Variants in NECTIN1 observed in about 807,000 individuals in gnomAD.
NECTIN1 encodes nectin cell adhesion molecule 1, also known as nectin-1.
In NECTIN1, 23 loss-of-function variants were observed where a neutral mutation model predicts 48.0. The observed-to-expected ratio is 0.48, with a 90% CI of 0.34 to 0.68. NECTIN1 has a LOEUF of 0.68. NECTIN1 is among the 30% of genes least tolerant of loss of function. The pLI is 0.01. For missense variants in NECTIN1, 591 were observed against 709.9 expected (o/e 0.83, Z 1.90); for synonymous variants, 270 against 288.9 (o/e 0.93, Z 0.66).
intron 5 of NECTIN1, among the ~76,000 whole-genome samples, chr11:119,655,112 T>A (rs1321539133): frequency 6.6e-6 from 1 of 151,790 alleles, no homozygotes; most frequent in East Asian, 1.9e-4. Context: ...GGTTTCACCA[T>A]GTTGGCCAGG....
rs558240664 is a variant in NECTIN1 at position 119,669,131 on chromosome 11, G to C, written c.1004-3834C>G. On this transcript the variant is annotated intron_variant, in intron 5 of 5. Transcript: ENST00000264025. ...TTGTAAGTTATAATTGAAAATGCAG[G>C]CTGGGCACAGTGGCTCATGCCTGTA... Among the ~76,000 whole-genome samples the C allele has an allele frequency of 1.9e-4, 29 of 152,334 alleles. No homozygotes were observed. The East Asian group carries it at 4.8e-3, about 25-fold the overall frequency.
At position 119,728,517 on chromosome 11, in the gene NECTIN1, A is replaced by T; in HGVS notation, c.37T>A (p.Trp13Arg). The stretch of plus-strand genomic sequence containing the variant: ...GTCAAGCCGAGAGCGAGTCCCCACC[A>T]GCGTCCAGCGGCGCCCGCAAGCCCC... ...RMGLAGAAGR[W>R]WGLALGLTAF... Residue 13 changes from tryptophan (W) to arginine (R), a missense_variant, in exon 1 of 6, where the codon TGG (tryptophan) becomes AGG (arginine). Trp to Arg is a moderately radical substitution (Grantham distance 101, BLOSUM62 -3). Transcript: ENST00000264025. 1 of 1,597,354 alleles carries T rather than the reference A, an allele frequency of 6.3e-7. No homozygotes were observed. The highest frequency in any genetic ancestry group is 8.5e-7 in the Non-Finnish European group (1 of 1,172,654).
At chr11:119,689,340 A>C (rs776779720) in intron 1 of NECTIN1, among the ~76,000 whole-genome samples, 1 of 152,152 alleles carries the variant, frequency 6.6e-6, no homozygotes, top group Non-Finnish European at 1.5e-5. Flanking sequence ...ACATGTGCAC[A>C]CGCACCTTCC....
At chr11:119,668,909 T>G (rs1380436747) in intron 5 of NECTIN1, among the ~76,000 whole-genome samples, 1 of 152,230 alleles carries the variant, frequency 6.6e-6, no homozygotes, top group Non-Finnish European at 1.5e-5. Flanking sequence ...CTCATTTCAG[T>G]GTGTTGCAGT....
chr11:119,663,573 G>C lies in NECTIN1; in HGVS notation c.*1174C>G. 1 of 985,582 alleles carries C rather than the reference G, an allele frequency of 1.0e-6. No homozygotes were observed. The highest frequency in any genetic ancestry group is 1.2e-6 in the Non-Finnish European group (1 of 829,956). 61.1% of individuals were successfully genotyped at this position (985,582 alleles called of 1,614,324 possible). A position where few individuals can be genotyped will look rare whatever the true frequency, so the allele number is the denominator to read the frequency against. ...TATGGACTCCTCAGTCCCTCGGACT[G>C]TGTTTGCAGAGCTTCTGCCATGTGG... On this transcript the variant is annotated 3_prime_UTR_variant, in exon 6 of 6. Coordinates refer to ENST00000264025, the MANE Select transcript of NECTIN1 (RefSeq NM_002855.5).
At chr11:119,728,411 TCCGGCTCCCAG>T (rs1410169673) in intron 1 of NECTIN1, 53 bp downstream of exon 1, 2 of 1,471,306 alleles carry the variant, frequency 1.4e-6, no homozygotes, top group Non-Finnish European at 1.9e-6. Context: ...GTGCCCGCCA[TCCGGCTCCCAG>T]CCCCGGGGAG....
At chr11:119,699,744 C>T (rs1009354149) in intron 1 of NECTIN1, among the ~76,000 whole-genome samples, 2 of 152,208 alleles carry the variant, frequency 1.3e-5, no homozygotes, top group Non-Finnish European at 2.9e-5. Flanking sequence ...TAGGAGACAG[C>T]TGAAGACATC....
intron 1 of NECTIN1, among the ~76,000 whole-genome samples, chr11:119,704,441 T>G (rs1292340215): frequency 1.3e-5 from 2 of 152,110 alleles, no homozygotes; most frequent in Non-Finnish European, 2.9e-5. Flanking sequence ...GGTCTAGAAC[T>G]CCTGACCTCA....
intron 5 of NECTIN1, chr11:119,674,498 C>A: frequency 6.2e-7 from 1 of 1,611,524 alleles, no homozygotes; most frequent in Non-Finnish European, 8.5e-7. Flanking sequence ...TCATACTGTC[C>A]CCGTTTTACA....
intron 1 of NECTIN1, among the ~76,000 whole-genome samples, chr11:119,702,330 T>C (rs919578784): frequency 6.6e-6 from 1 of 152,194 alleles, no homozygotes; most frequent in Non-Finnish European, 1.5e-5. Context: ...CGTCCTGTGG[T>C]TTCATCTCAA....
At chr11:119,698,344 TTG>T (rs1865378532) in intron 1 of NECTIN1, among the ~76,000 whole-genome samples, 1 of 152,220 alleles carries the variant, frequency 6.6e-6, no homozygotes, top group South Asian at 2.1e-4. Flanking sequence ...GGTGATTAAA[TTG>T]TCTCTTCCCC....
rs911645079 is a variant in NECTIN1, at chr11:119,724,375, C to T, written c.79+4100G>A. Among the ~76,000 whole-genome samples the T allele has an allele frequency of 2.0e-5, 3 of 152,128 alleles. No homozygotes were observed. The East Asian group carries it at 5.8e-4, about 29-fold the overall frequency. On this transcript the variant is annotated intron_variant, in intron 1 of 5. Coordinates refer to ENST00000264025, the MANE Select transcript of NECTIN1 (RefSeq NM_002855.5). Reference sequence around the variant, plus strand: ...GGCTGACAAGAGAGGAATATCTCTCCCGGTGTGGTCAAGGTCTTCAGCATC... The same window carrying T: ...GGCTGACAAGAGAGGAATATCTCTCTCGGTGTGGTCAAGGTCTTCAGCATC...
chr11:119,666,150 A>ATGTGCGTG (rs1261702024), intron 5 of NECTIN1, among the ~76,000 whole-genome samples: 5 of 152,142 alleles, frequency 3.3e-5, no homozygotes, highest in Non-Finnish European at 7.3e-5. Flanking sequence ...GGGTGAAAGC[A>ATGTGCGTG]TGTGCGTGTG....
In NECTIN1 at chr11:119,670,794, G is replaced by A. The variant is rs953756966; in HGVS notation, c.1003+4365C>T. Reference sequence around the variant, plus strand: ...CCTGAGTAGTTGGGACTACAGGCACGCACTGCCACACCCGGCTAATATTTT... The same window carrying A: ...CCTGAGTAGTTGGGACTACAGGCACACACTGCCACACCCGGCTAATATTTT... On this transcript the variant is annotated intron_variant, in intron 5 of 5. Coordinates refer to ENST00000264025, the MANE Select transcript of NECTIN1 (RefSeq NM_002855.5). 3.7e-4 allele frequency among the ~76,000 whole-genome samples: 56 copies of A among 151,858 alleles called. 1 individual carries two copies. The highest frequency in any genetic ancestry group is 1.3e-4 in the Admixed American group (2 of 15,256).
intron 1 of NECTIN1, among the ~76,000 whole-genome samples, chr11:119,714,354 G>A (rs1865711585): frequency 1.3e-5 from 2 of 152,172 alleles, no homozygotes. Context: ...ACATGCCACA[G>A]AGCCACTGCA....
chr11:119,673,374 G>A lies in NECTIN1; in HGVS notation c.1003+1785C>T, dbSNP rs1487168405. Among the ~76,000 whole-genome samples the A allele has an allele frequency of 2.6e-5, 4 of 152,200 alleles. No individual in the cohort carries two copies. Among genetic ancestry groups the A allele is most frequent in the South Asian group, 4.1e-4 (2 of 4,838 alleles). On this transcript the variant is annotated intron_variant, in intron 5 of 5. Transcript: ENST00000264025. The surrounding 1 kb of genome is among the most constrained non-coding windows in gnomAD (Gnocchi z 5.8). ...TCCTGCCTAACGGGGCTGCCAGCAA[G>A]AGCCATGTTGTGTCCCTCTTCCAGC...
At chr11:119,690,713 C>T (rs1250816117) in intron 1 of NECTIN1, among the ~76,000 whole-genome samples, 1 of 152,146 alleles carries the variant, frequency 6.6e-6, no homozygotes, top group Admixed American at 6.5e-5. Flanking sequence ...GGAGACCAGC[C>T]CGTGCCCAGA....
chr11:119,719,236 C>T (rs141252422), intron 1 of NECTIN1, among the ~76,000 whole-genome samples: 403 of 152,324 alleles, frequency 2.6e-3, no homozygotes, highest in African/African-American at 8.9e-3. Flanking sequence ...ACCAGGTTAT[C>T]GCTGCACCAC....
chr11:119,639,689 A>G (rs2135522062), intron 6 of NECTIN1: 1 of 760,734 alleles, frequency 1.3e-6, no homozygotes. Context: ...CGTAGCAATC[A>G]CCACTCAGGA....
Sources: gnomAD v4.1 joint callset for allele counts (sites outside exome capture counted in the v4.1 genomes callset) on GRCh38, gnomAD v4.1.1 for gene constraint, Gnocchi (gnomAD v3.1) non-coding constraint, MANE v1.5 for transcripts, NCBI Gene and HGNC (gene_info 2026-07-23, HGNC 2026-07-21) for gene names.